Variants in TMEM120A observed in about 807,000 individuals in gnomAD.
The protein encoded by TMEM120A is ion channel TACAN.
A neutral mutation model predicts 54.3 loss-of-function variants in TMEM120A; 45 were observed. The ratio of observed to expected loss-of-function variants is 0.83; its 90% CI spans 0.65 to 1.06. The LOEUF (loss-of-function observed/expected upper bound fraction) is 1.06, where lower values mean the gene tolerates loss of function less well. Among genes scored for constraint, TMEM120A ranks in the 50% least tolerant of loss-of-function variants. The pLI, the probability that TMEM120A is intolerant of heterozygous loss-of-function variation, is 0.00. For synonymous variants in TMEM120A, 204 were observed against 178.5 expected (o/e 1.14, Z -1.14); for missense variants, 424 against 441.7 (o/e 0.96, Z 0.36).
In TMEM120A at chr7:75,987,903, C is replaced by T. The variant is rs145259879; in HGVS notation, c.691+20G>A. 1.0e-3 allele frequency: 1,646 copies of T among 1,601,170 alleles called. 16 individuals carry two copies. The African/African-American group carries it at 0.019, about 19-fold the overall frequency. On this transcript the variant is annotated intron_variant, in intron 8 of 11. Coordinates refer to ENST00000493111, the MANE Select transcript of TMEM120A (RefSeq NM_031925.3). ...CCACGGGTGCCTCCAGGGCTCAGCA[C>T]AGACATCTGGGACACTCACTCTGGT...
intron 2 of TMEM120A, 31 bp from the exon 3 acceptor site, chr7:75,992,291 A>G: frequency 6.3e-7 from 1 of 1,581,744 alleles, no homozygotes; most frequent in South Asian, 1.1e-5. Flanking sequence ...AGTCAGGGCA[A>G]GAGGACTCCC....
Position 75,986,935 on chromosome 7 carries a change from G to A in TMEM120A, c.*237C>T. 3.3e-6 allele frequency: 2 copies of A among 597,074 alleles called. No homozygotes were observed. Among genetic ancestry groups the A allele is most frequent in the South Asian group, 4.2e-5 (2 of 48,106 alleles). 37.0% of individuals were successfully genotyped at this position (597,074 alleles called of 1,614,324 possible). A position where few individuals can be genotyped will look rare whatever the true frequency, so the allele number is the denominator to read the frequency against. Reference sequence around the variant, plus strand: ...AACTCAGACCCCAGGAACCCATGTGGTGGGGCCACCCAGCCCTCCCCTCCC... The same window carrying A: ...AACTCAGACCCCAGGAACCCATGTGATGGGGCCACCCAGCCCTCCCCTCCC... On this transcript the variant is annotated 3_prime_UTR_variant, in exon 12 of 12. Coordinates refer to ENST00000493111, the MANE Select transcript of TMEM120A (RefSeq NM_031925.3).
rs781900645 is a variant in TMEM120A, at chr7:75,989,115, GCTAGGGGT to G, written c.377+42_377+49del. On this transcript the variant is annotated intron_variant, in intron 4 of 11. Coordinates refer to ENST00000493111, the MANE Select transcript of TMEM120A (RefSeq NM_031925.3). The stretch of plus-strand genomic sequence containing the variant: ...GTTGAGGGGGGGAGGGGGGTAGGGG[GCTAGGGGT>G]GGAGGGGTGGAGGTTGGGGGGTGGA... The G allele has an allele frequency of 5.8e-4, 262 of 450,406 alleles. 14 individuals are homozygous for G. The highest frequency in any genetic ancestry group is 3.4e-3 in the African/African-American group (62 of 18,112). The allele number at this position is 450,406 out of a possible 1,614,324, so 27.9% of individuals were successfully genotyped here.
rs782120619 is a variant in TMEM120A at position 75,987,300 on chromosome 7, G to C, written c.919-15C>G. 8.2e-6 allele frequency: 13 copies of C among 1,585,160 alleles called. No homozygotes were observed. The highest frequency in any genetic ancestry group is 3.4e-6 in the Non-Finnish European group (4 of 1,166,814). On this transcript the variant is annotated splice_polypyrimidine_tract_variant and intron_variant, in intron 11 of 11. Coordinates refer to ENST00000493111, the MANE Select transcript of TMEM120A (RefSeq NM_031925.3). The stretch of plus-strand genomic sequence containing the variant: ...CACATAAGCACCTGCCGGAGGAATA[G>C]GGTGAGGGCTGGACATGGGCCTGGC...
At chr7:75,992,005 T>C (rs1667571155) in intron 3 of TMEM120A, 139 bp downstream of exon 3, 2 of 585,570 alleles carry the variant, frequency 3.4e-6, no homozygotes, top group Non-Finnish European at 6.0e-6. Flanking sequence ...GTGTCTCCCC[T>C]GAAGTCAGCA....
At position 75,989,199 on chromosome 7, in the gene TMEM120A, T is replaced by A; in HGVS notation, c.343A>T (p.Asn115Tyr). 6.8e-7 allele frequency: 1 copy of A among 1,471,226 alleles called. No individual in the cohort carries two copies. Among genetic ancestry groups the A allele is most frequent in the Non-Finnish European group, 9.1e-7 (1 of 1,095,346 alleles). The allele number at this position is 1,471,226 out of a possible 1,614,324, so 91.1% of individuals were successfully genotyped here. Residue 115 changes from asparagine (N) to tyrosine (Y), a missense_variant, in exon 4 of 12, where the codon AAC becomes TAC. Physicochemically the swap from Asn to Tyr is moderately radical, Grantham distance 143 (BLOSUM62 -2). Transcript: ENST00000493111. ...NGLYLSLVLG[N>Y]VNVTLLSKQA... ...TTGCTCAGGAGCGTGACGTTGACGT[T>A]CCCCAGAACCAGGCTCAGGTACAAT...
chr7:75,987,074 A>C lies in TMEM120A; in HGVS notation c.*98T>G, dbSNP rs782114162. The C allele has an allele frequency of 2.3e-5, 23 of 1,012,518 alleles. No individual in the cohort carries two copies. Among genetic ancestry groups the C allele is most frequent in the Non-Finnish European group, 3.0e-5 (20 of 669,670 alleles). 62.7% of individuals were successfully genotyped at this position (1,012,518 alleles called of 1,614,324 possible). ...CATAAAACCCAAGGGAGAATAGAAGAGACCCCCTGATACACGCACACTCGA... is the reference window on the plus strand; with the variant it reads ...CATAAAACCCAAGGGAGAATAGAAGCGACCCCCTGATACACGCACACTCGA... On this transcript the variant is annotated 3_prime_UTR_variant, in exon 12 of 12. Coordinates refer to ENST00000493111, the MANE Select transcript of TMEM120A (RefSeq NM_031925.3).
intron 10 of TMEM120A, 37 bp from the exon 11 acceptor site, chr7:75,987,465 G>T: frequency 6.4e-7 from 1 of 1,561,196 alleles, no homozygotes; most frequent in Non-Finnish European, 8.7e-7. Context: ...AGAAGACCCA[G>T]TCCCTGCTGG....
Position 75,987,188 on chromosome 7 carries a change from C to T in TMEM120A, c.1016G>A (p.Gly339Glu), listed in dbSNP as rs781832423. The T allele has an allele frequency of 6.2e-7, 1 of 1,603,044 alleles. No homozygotes were observed. The highest frequency in any genetic ancestry group is 1.3e-5 in the African/African-American group (1 of 74,826). ...GGCCCAGCCTCAATCCTTCTTGCTC[C>T]CGTGCCGCTGACTGTGAAACTTGTG... ...VHHKFHSQRH[G>E]SKKD The change falls in exon 12 of 12, where the codon GGG becomes GAG. Residue 339 changes from glycine to glutamate, a missense_variant. Physicochemically the swap from Gly to Glu is moderately conservative, Grantham distance 98. Coordinates refer to ENST00000493111, the MANE Select transcript of TMEM120A (RefSeq NM_031925.3).
chr7:75,989,061 C>CG (rs1789717467), intron 4 of TMEM120A, 104 bp downstream of exon 4: 2 of 72,838 alleles, frequency 2.7e-5, no homozygotes, highest in African/African-American at 1.0e-4. Context: ...AGGCCGGGTT[C>CG]CGGGGGAAGG....
chr7:75,993,104 G>A (rs1554562259), intron 1 of TMEM120A, among the ~76,000 whole-genome samples: 1 of 152,082 alleles, frequency 6.6e-6, no homozygotes, highest in African/African-American at 2.4e-5. Flanking sequence ...ACCCAGCCAA[G>A]GTTTTCTTAG....
At position 75,987,192 on chromosome 7, in the gene TMEM120A, G is replaced by A; in HGVS notation, c.1012C>T (p.His338Tyr). ...VVHHKFHSQR[H>Y]GSKKD ...CAGCCTCAATCCTTCTTGCTCCCGT[G>A]CCGCTGACTGTGAAACTTGTGGTGC... is the stretch of plus-strand genomic sequence containing the variant. The change falls in exon 12 of 12, where the codon CAC becomes TAC. Residue 338 changes from histidine (H) to tyrosine (Y), a missense_variant. Physicochemically the swap from His to Tyr is moderately conservative, Grantham distance 83. Transcript: ENST00000493111. 1 of 1,604,464 alleles carries A rather than the reference G, an allele frequency of 6.2e-7. No homozygotes were observed. Among genetic ancestry groups the A allele is most frequent in the Non-Finnish European group, 8.5e-7 (1 of 1,176,310 alleles).
At chr7:75,992,089 C>G in intron 3 of TMEM120A, 55 bp downstream of exon 3, 2 of 1,317,628 alleles carry the variant, frequency 1.5e-6, no homozygotes, top group South Asian at 1.4e-5. Context: ...GGAGGCAGCA[C>G]CCGGCTTCAG....
rs77690298 is a variant in TMEM120A at position 75,989,278 on chromosome 7, G to A, written c.318-54C>T. Reference sequence around the variant, plus strand: ...AAGCCCGAGTGACAGACAAGCCACCGGTACTCAGCCAAGCCTGCCAGGCCA... The same window carrying A: ...AAGCCCGAGTGACAGACAAGCCACCAGTACTCAGCCAAGCCTGCCAGGCCA... On this transcript the variant is annotated intron_variant, in intron 3 of 11. Transcript: ENST00000493111. The A allele has an allele frequency of 1.0e-2, 12,068 of 1,210,372 alleles. 517 individuals are homozygous for A. The East Asian group carries it at 0.13, about 13-fold the overall frequency. 75.0% of individuals were successfully genotyped at this position (1,210,372 alleles called of 1,614,324 possible). A position where few individuals can be genotyped will look rare whatever the true frequency, so the allele number is the denominator to read the frequency against.
At chr7:75,991,344 C>CCCGT (rs1489862057) in intron 3 of TMEM120A, among the ~76,000 whole-genome samples, 3 of 152,136 alleles carry the variant, frequency 2.0e-5, no homozygotes, top group Non-Finnish European at 2.9e-5. Context: ...GTTCTCATGG[C>CCCGT]CCGTCCACCT....
In TMEM120A at chr7:75,987,709, C is replaced by A; in HGVS notation, c.784+9G>T. On this transcript the variant is annotated intron_variant, in intron 9 of 11. Coordinates refer to ENST00000493111, the MANE Select transcript of TMEM120A (RefSeq NM_031925.3). ...GAATGTCCAGATGCCAGGGCCACTC[C>A]CGACTCACCCACAGTGAGGTCCATG... The A allele has an allele frequency of 6.2e-7, 1 of 1,611,906 alleles. No homozygotes were observed. Among genetic ancestry groups the A allele is most frequent in the Non-Finnish European group, 8.5e-7 (1 of 1,179,602 alleles).
rs1789870452 is a variant in TMEM120A, at chr7:75,992,236, C to G, written c.225G>C (p.Glu75Asp). 4 of 1,611,112 alleles carry G rather than the reference C, an allele frequency of 2.5e-6. No individual in the cohort carries two copies. Among genetic ancestry groups the G allele is most frequent in the Non-Finnish European group, 3.4e-6 (4 of 1,178,744 alleles). Residue 75 changes from glutamate to aspartate, a missense_variant, in exon 3 of 12, where the codon GAG (glutamate) becomes GAC (aspartate). Transcript: ENST00000493111. ...CCAGCTCCTGTGCGGCCCCCTCGGC[C>G]TCTGCTGGGAGGGAGGGTTTGCATC... Reference protein sequence around the residue: ...LKKCKPSLPAEAEGAAQELEN... With the variant: ...LKKCKPSLPADAEGAAQELEN...
chr7:75,987,473 T>A (rs782087810), intron 10 of TMEM120A, 45 bp from the exon 11 acceptor site: 2 of 1,559,404 alleles, frequency 1.3e-6, no homozygotes, highest in African/African-American at 1.4e-5. Context: ...CAGTCCCTGC[T>A]GGAGCCCGAA....
rs782455615 is a variant in TMEM120A, at chr7:75,988,518, TG to T, written c.378-3del. The T allele has an allele frequency of 1.3e-6, 2 of 1,596,114 alleles. No individual in the cohort carries two copies. The highest frequency in any genetic ancestry group is 1.7e-6 in the Non-Finnish European group (2 of 1,174,714). ...TCATACTCGTCCTTGTAGGCAAACC[TG>T]GGGGGCGCAGGCCGGTGAGACGGGT... On this transcript the variant is annotated splice_region_variant and splice_polypyrimidine_tract_variant and intron_variant, in intron 4 of 11. Coordinates refer to ENST00000493111, the MANE Select transcript of TMEM120A (RefSeq NM_031925.3).
Sources: gnomAD v4.1 joint callset for allele counts (sites outside exome capture counted in the v4.1 genomes callset) on GRCh38, gnomAD v4.1.1 for gene constraint, MANE v1.5 for transcripts, NCBI Gene and HGNC (gene_info 2026-07-23, HGNC 2026-07-21) for gene names.